Variants in ANO1 observed in about 807,000 individuals in gnomAD.
ANO1 encodes anoctamin-1.
Under a neutral mutation model 124.0 loss-of-function variants are expected in ANO1, and 59 were observed. That is an observed-to-expected ratio of 0.48 (90% CI 0.39 to 0.59). ANO1 has a LOEUF of 0.59. Ranked by LOEUF, ANO1 falls within the 20% of genes least tolerant of loss-of-function variation. The pLI is 0.00. For synonymous variants in ANO1, 529 were observed against 532.0 expected, an observed-to-expected ratio of 0.99 and a Z score of 0.08; for missense variants, 1,059 against 1,328.0, an observed-to-expected ratio of 0.80 and a Z score of 3.15.
chr11:70,182,113 A>G (rs1310930054), intron 23 of ANO1, among the ~76,000 whole-genome samples: 1 of 151,888 alleles, frequency 6.6e-6, no homozygotes, highest in Non-Finnish European at 1.5e-5. Context: ...CCCTTCTCCA[A>G]CAAGCCCAGA....
intron 1 of ANO1, among the ~76,000 whole-genome samples, chr11:69,986,719 C>G (rs1218174008): frequency 6.6e-6 from 1 of 152,046 alleles, no homozygotes; most frequent in Non-Finnish European, 1.5e-5. Context: ...GAGTCCCTGA[C>G]TTCCTCCCCC....
At chr11:70,130,949 G>A (rs113102121) in intron 10 of ANO1, among the ~76,000 whole-genome samples, 1,652 of 152,342 alleles carry the variant, frequency 0.011, 31 homozygotes, top group African/African-American at 0.038. Context: ...CCCACCAGGC[G>A]GATGGAGATG....
chr11:70,173,269 TGCTTTGTA>T (rs1445862549), intron 22 of ANO1, among the ~76,000 whole-genome samples: 6 of 152,272 alleles, frequency 3.9e-5, no homozygotes, highest in Non-Finnish European at 8.8e-5. Flanking sequence ...GAAACATTGG[TGCTTTGTA>T]GGGAGGGACA....
chr11:70,150,744 C>T (rs2047570831), intron 12 of ANO1, among the ~76,000 whole-genome samples: 1 of 151,928 alleles, frequency 6.6e-6, no homozygotes, highest in Non-Finnish European at 1.5e-5. Flanking sequence ...GTTATGTTGC[C>T]CAGGCTACAC....
At chr11:69,997,611 C>T (rs1591023903) in intron 1 of ANO1, among the ~76,000 whole-genome samples, 1 of 152,180 alleles carries the variant, frequency 6.6e-6, no homozygotes, top group Admixed American at 6.5e-5. Flanking sequence ...TGTGTCCCGC[C>T]CAAATCTCAC....
intron 1 of ANO1, among the ~76,000 whole-genome samples, chr11:69,994,792 T>C: frequency 6.6e-6 from 1 of 152,320 alleles, no homozygotes; most frequent in African/African-American, 2.4e-5. Context: ...TGTTTCTACA[T>C]AATGACACAA....
intron 1 of ANO1, among the ~76,000 whole-genome samples, chr11:70,052,362 G>T (rs985565595): frequency 1.3e-5 from 2 of 152,024 alleles, no homozygotes; most frequent in South Asian, 4.1e-4. Flanking sequence ...TCCCTTGAGG[G>T]AGTCTTGAGT....
intron 2 of ANO1, among the ~76,000 whole-genome samples, chr11:70,091,638 G>T (rs1276063009): frequency 6.6e-6 from 1 of 152,190 alleles, no homozygotes; most frequent in Non-Finnish European, 1.5e-5. Flanking sequence ...TCCCCTGAGG[G>T]GTGCCAGCCA....
chr11:70,155,329 A>C (rs772078370), intron 14 of ANO1, among the ~76,000 whole-genome samples: 2 of 152,182 alleles, frequency 1.3e-5, no homozygotes, highest in Admixed American at 1.3e-4. Flanking sequence ...CTCTGATCAC[A>C]TGAAAGCAAC....
chr11:70,160,362 G>A (rs1321258845), intron 16 of ANO1, among the ~76,000 whole-genome samples: 2 of 152,222 alleles, frequency 1.3e-5, no homozygotes, highest in East Asian at 3.9e-4. Context: ...GCAGGGCGGG[G>A]CAGGGCAGGG....
At chr11:70,045,526 G>A (rs138782532) in intron 1 of ANO1, among the ~76,000 whole-genome samples, 1 of 152,310 alleles carries the variant, frequency 6.6e-6, no homozygotes, top group Non-Finnish European at 1.5e-5. Context: ...AAGAACAACA[G>A]CAACAAAATC....
At chr11:70,048,887 A>T (rs183334685) in intron 1 of ANO1, among the ~76,000 whole-genome samples, 53 of 152,206 alleles carry the variant, frequency 3.5e-4, no homozygotes, top group African/African-American at 1.2e-3. Flanking sequence ...GATCCTGGAC[A>T]GTGTGTTTGC....
intron 1 of ANO1, among the ~76,000 whole-genome samples, 189 bp downstream of exon 1, chr11:70,078,903 C>A (rs1026618863): frequency 2.0e-5 from 3 of 151,398 alleles, no homozygotes; most frequent in Admixed American, 1.3e-4. Context: ...CAAGTGCGTG[C>A]GCCCCGCCTG....
chr11:70,065,683 C>T (rs1190305666), intron 1 of ANO1, among the ~76,000 whole-genome samples: 2 of 152,124 alleles, frequency 1.3e-5, no homozygotes, highest in African/African-American at 4.8e-5. Context: ...CCCTTGTCCC[C>T]CGTCGTCCCC....
chr11:70,006,852 T>C (rs755503016), intron 1 of ANO1, among the ~76,000 whole-genome samples: 8 of 151,832 alleles, frequency 5.3e-5, no homozygotes, highest in Middle Eastern at 3.2e-3. Flanking sequence ...CTATTTTTAG[T>C]AGGGAAGGGG....
chr11:70,078,946 C>G (rs976287003), intron 1 of ANO1, among the ~76,000 whole-genome samples: 1 of 151,904 alleles, frequency 6.6e-6, no homozygotes, highest in Non-Finnish European at 1.5e-5. Context: ...GCGCCCACTC[C>G]GCCCAGCGCA....
chr11:70,135,941 C>T (rs556530749), intron 11 of ANO1, among the ~76,000 whole-genome samples: 132 of 152,372 alleles, frequency 8.7e-4, no homozygotes, highest in Admixed American at 4.0e-3. Flanking sequence ...CACCCAGTCA[C>T]GCCTTCCAGG....
rs1040405099 is a variant in ANO1 at position 70,152,982 on chromosome 11, G to T, written c.1354-75G>T. On this transcript the variant is annotated intron_variant, in intron 13 of 25. Coordinates refer to ENST00000355303, the MANE Select transcript of ANO1 (RefSeq NM_018043.7). Reference sequence around the variant, plus strand: ...CCGAGGCTAATACATGGACTGATTTGCCAAGTATGCTCACGCTGAGGAGCT... The same window carrying T: ...CCGAGGCTAATACATGGACTGATTTTCCAAGTATGCTCACGCTGAGGAGCT... 2.9e-6 allele frequency: 4 copies of T among 1,363,120 alleles called. No homozygotes were observed. In the African/African-American group the frequency reaches 4.3e-5, roughly 15 times the overall value. The allele number at this position is 1,363,120 out of a possible 1,614,324, so 84.4% of individuals were successfully genotyped here. A position where few individuals can be genotyped will look rare whatever the true frequency, so the allele number is the denominator to read the frequency against.
chr11:70,167,415 A>T (rs770067563), intron 21 of ANO1, 28 bp downstream of exon 21: 10 of 1,596,894 alleles, frequency 6.3e-6, no homozygotes, highest in Middle Eastern at 1.7e-4. Context: ...CAGGCAGGTG[A>T]CATCAGGATA....
Sources: allele counts gnomAD v4.1 joint callset (sites outside exome capture counted in the v4.1 genomes callset), GRCh38; gene constraint gnomAD v4.1.1; transcripts MANE v1.5; gene names NCBI Gene and HGNC (gene_info 2026-07-23, HGNC 2026-07-21).